Variants in MUC4 observed in about 807,000 individuals in gnomAD.
MUC4 encodes mucin-4.
MUC4 carries 202 observed loss-of-function variants against 257.9 expected under a neutral mutation model. The observed-to-expected ratio is 0.78, with a 90% CI of 0.70 to 0.88. MUC4 has a LOEUF of 0.88. MUC4 is among the 40% of genes least tolerant of loss of function. MUC4 has a pLI of 0.00. For missense variants in MUC4, 5,976 were observed against 6,513.7 expected (o/e 0.92, Z 2.84); for synonymous variants, 2,351 against 2,757.1 (o/e 0.85, Z 4.62).
At chr3:195,764,695 A>G (rs902856949) in intron 10 of MUC4, among the ~76,000 whole-genome samples, 3 of 151,732 alleles carry the variant, frequency 2.0e-5, no homozygotes, top group Non-Finnish European at 4.4e-5. Flanking sequence ...TCCCCCAAAC[A>G]TCCTGCTCAT....
At chr3:195,807,795 C>T (rs189309448) in intron 1 of MUC4, among the ~76,000 whole-genome samples, 269 of 152,330 alleles carry the variant, frequency 1.8e-3, no homozygotes, top group Middle Eastern at 3.4e-3. Context: ...ACCCGTTGAG[C>T]GTACAAAAGG....
rs1336896944 is a variant in MUC4, at chr3:195,755,137, C to T, written c.15169-765G>A. On this transcript the variant is annotated intron_variant, in intron 18 of 24. Transcript: ENST00000463781. The surrounding 1 kb of genome is among the most constrained non-coding windows in gnomAD (Gnocchi z 5.0). ...GTTCAAGCCATCCTCCCACCTCAGC[C>T]TCCCGAGGAGCTGGGGCTACAGGCA... 6.6e-6 allele frequency among the ~76,000 whole-genome samples: 1 copy of T among 151,998 alleles called. No individual in the cohort carries two copies. The highest frequency in any genetic ancestry group is 1.5e-5 in the Non-Finnish European group (1 of 67,996).
chr3:195,757,717 G>A lies in MUC4; in HGVS notation c.14987-389C>T, dbSNP rs1369888250. The stretch of plus-strand genomic sequence containing the variant: ...CGGCCAAACTGGCTTCACTCTCACG[G>A]CAGCCCCATCCTTTGCCCTGATTTC... On this transcript the variant is annotated intron_variant, in intron 17 of 24. Transcript: ENST00000463781. The surrounding 1 kb of genome is among the most constrained non-coding windows in gnomAD (Gnocchi z 4.8). Among the ~76,000 whole-genome samples the A allele has an allele frequency of 6.6e-6, 1 of 152,040 alleles. No individual in the cohort carries two copies. Among genetic ancestry groups the A allele is most frequent in the African/African-American group, 2.4e-5 (1 of 41,368 alleles).
intron 21 of MUC4, chr3:195,751,578 A>C: frequency 2.0e-6 from 1 of 492,960 alleles, no homozygotes; most frequent in Non-Finnish European, 3.7e-6. Context: ...ATGACTCATG[A>C]CCTCCTCCCC....
chr3:195,751,847 C>T (rs1339244103), intron 21 of MUC4: 2 of 192,890 alleles, frequency 1.0e-5, no homozygotes. Flanking sequence ...GGTGATACGG[C>T]CTGTTGACTC....
In MUC4 at chr3:195,782,718, G is replaced by C; in HGVS notation, c.8862C>G (p.Ser2954=). ...CAGGAAGAGAGGTGGCGTGACCTGT[G>C]GATGCTGAGGAAGTGTCGGTGACAG... The part of the protein sequence containing the change: ...PLPVTDTSSA[S]TGHATSLPVT... Residue 2954 remains serine, a synonymous_variant, in exon 2 of 25, where the codon TCC becomes TCG. Coordinates refer to ENST00000463781, the MANE Select transcript of MUC4 (RefSeq NM_018406.7). 6.6e-7 allele frequency: 1 copy of C among 1,524,952 alleles called. No individual in the cohort carries two copies. The highest frequency in any genetic ancestry group is 8.8e-7 in the Non-Finnish European group (1 of 1,131,304). 94.5% of individuals were successfully genotyped at this position (1,524,952 alleles called of 1,614,324 possible).
At chr3:195,767,772 C>CCATCACCATCACCACCACCAT (rs1186176370) in intron 7 of MUC4, among the ~76,000 whole-genome samples, 7 of 112,874 alleles carry the variant, frequency 6.2e-5, no homozygotes, top group African/African-American at 3.4e-4. Context: ...ACCACCACCA[C>CCATCACCATCACCACCACCAT]CACCATCACC....
chr3:195,770,435 A>C lies in MUC4; in HGVS notation c.13243-64T>G, dbSNP rs540571961. The C allele has an allele frequency of 4.9e-5, 78 of 1,588,660 alleles. 1 individual carries two copies. The East Asian group carries it at 1.7e-3, about 35-fold the overall frequency. ...TCCCACTCCTACACATGGGCCCCCC[A>C]CTTTCTGCCTGAGGACCCTGCCCAC... On this transcript the variant is annotated intron_variant, in intron 5 of 24. Coordinates refer to ENST00000463781, the MANE Select transcript of MUC4 (RefSeq NM_018406.7).
intron 8 of MUC4, among the ~76,000 whole-genome samples, chr3:195,766,442 C>T (rs1263344296): frequency 6.6e-6 from 1 of 152,038 alleles, no homozygotes; most frequent in Non-Finnish European, 1.5e-5. Flanking sequence ...GATGTAGCCC[C>T]CTCTGAGACT....
At chr3:195,799,818 T>C (rs1310183401) in intron 1 of MUC4, among the ~76,000 whole-genome samples, 2 of 152,222 alleles carry the variant, frequency 1.3e-5, no homozygotes, top group Non-Finnish European at 2.9e-5. Flanking sequence ...TTTCATGTTA[T>C]TAATACAGAC....
Position 195,771,808 on chromosome 3 carries a change from G to T in MUC4, c.13086C>A (p.Asp4362Glu). The T allele has an allele frequency of 6.2e-7, 1 of 1,613,852 alleles. No individual in the cohort carries two copies. The highest frequency in any genetic ancestry group is 8.5e-7 in the Non-Finnish European group (1 of 1,179,806). ...SSLRDSLYFT[D>E]NGQIIFPESD... ...ACTCTGGGAAGATGATCTGGCCATT[G>T]TCTGTGAACTGAGCACATGGGTTTT... Residue 4362 changes from aspartate (D) to glutamate (E), a missense_variant, in exon 5 of 25, where the codon GAC becomes GAA. Around this residue, in one of 44 missense-constraint regions of MUC4, gnomAD observed 233 missense variants for 171.2 expected, o/e 1.36. Transcript: ENST00000463781.
At position 195,780,397 on chromosome 3, in the gene MUC4, G is replaced by C. The variant is rs781173983; in HGVS notation, c.11183C>G (p.Pro3728Arg). 334 of 1,528,642 alleles carry C rather than the reference G, an allele frequency of 2.2e-4. 2 individuals are homozygous for C. The highest frequency in any genetic ancestry group is 2.1e-4 in the Non-Finnish European group (245 of 1,140,452). The allele number at this position is 1,528,642 out of a possible 1,614,324, so 94.7% of individuals were successfully genotyped here. Residue 3728 changes from proline (P) to arginine (R), a missense_variant, in exon 2 of 25, where the codon CCT (proline) becomes CGT (arginine). Transcript: ENST00000463781. ...TSSVSTGHVT[P>R]LHVTSPSSAS... ...TGAGGAAGGGCTGGTGACATGAAGA[G>C]GGGTGACGTGACCTGTAGATACTGA...
At chr3:195,762,609 G>T (rs1204933419) in intron 13 of MUC4, among the ~76,000 whole-genome samples, 1 of 129,050 alleles carries the variant, frequency 7.7e-6, no homozygotes, top group Admixed American at 7.7e-5. Flanking sequence ...GCCCTGCACC[G>T]CCACGCACCC....
intron 3 of MUC4, among the ~76,000 whole-genome samples, chr3:195,774,766 GGC>G (rs1723950688): frequency 6.6e-6 from 1 of 152,024 alleles, no homozygotes; most frequent in Admixed American, 6.6e-5. Flanking sequence ...CGGGTGTGGT[GGC>G]GCATGCCTGT....
chr3:195,773,353 G>A (rs1723566303), intron 4 of MUC4, among the ~76,000 whole-genome samples: 2 of 141,044 alleles, frequency 1.4e-5, no homozygotes, highest in African/African-American at 5.6e-5. Context: ...CCATCGCTCA[G>A]GGGTGTAGAC....
intron 1 of MUC4, among the ~76,000 whole-genome samples, chr3:195,799,377 T>C (rs1190637490): frequency 6.6e-6 from 1 of 152,190 alleles, no homozygotes; most frequent in East Asian, 1.9e-4. Flanking sequence ...CGGCACGATT[T>C]CGGCCCACTG....
At chr3:195,773,530 C>T (rs1247014788) in intron 4 of MUC4, among the ~76,000 whole-genome samples, 2 of 133,664 alleles carry the variant, frequency 1.5e-5, no homozygotes, top group Admixed American at 7.1e-5. Flanking sequence ...CTCCATCGCT[C>T]AGCAGGTGTG....
intron 10 of MUC4, among the ~76,000 whole-genome samples, chr3:195,764,545 A>C (rs935992393): frequency 6.6e-5 from 10 of 151,838 alleles, no homozygotes; most frequent in African/African-American, 2.2e-4. Flanking sequence ...GGGAGTGGGG[A>C]GGGCACGGCT....
Position 195,786,512 on chromosome 3 carries a change from T to G in MUC4, c.5068A>C (p.Thr1690Pro), listed in dbSNP as rs80123784. 3.8e-6 allele frequency: 5 copies of G among 1,300,984 alleles called. No individual in the cohort carries two copies. The highest frequency in any genetic ancestry group is 2.4e-5 in the African/African-American group (1 of 41,724). The allele number at this position is 1,300,984 out of a possible 1,614,324, so 80.6% of individuals were successfully genotyped here. A position where few individuals can be genotyped will look rare whatever the true frequency, so the allele number is the denominator to read the frequency against. ...PLPVTGLSSA[T>P]TDDTTRLPVT... ...GGAAGACGGGTGGTGTCATCTGTGG[T>G]AGCTGAGGAAAGGCCGGTGACAGGA... is the stretch of plus-strand genomic sequence containing the variant. Residue 1690 changes from threonine (T) to proline (P), a missense_variant, in exon 2 of 25, where the codon ACC becomes CCC. Physicochemically the swap from Thr to Pro is conservative, Grantham distance 38. This residue lies in a region of MUC4 where 138 missense variants were observed against 107.8 expected (regional missense o/e 1.28). Coordinates refer to ENST00000463781, the MANE Select transcript of MUC4 (RefSeq NM_018406.7).
Sources: gnomAD v4.1 joint callset for allele counts (sites outside exome capture counted in the v4.1 genomes callset) on GRCh38, gnomAD v4.1.1 for gene constraint, gnomAD v4.1.1 regional missense constraint, Gnocchi (gnomAD v3.1) non-coding constraint, MANE v1.5 for transcripts, NCBI Gene and HGNC (gene_info 2026-07-23, HGNC 2026-07-21) for gene names.